The following HIBCH variants were observed in gnomAD, a reference collection of about 807,000 sequenced individuals.
HIBCH encodes 3-hydroxyisobutyryl-CoA hydrolase.
Under a neutral mutation model 58.2 loss-of-function variants are expected in HIBCH, and 50 were observed. That is an observed-to-expected ratio of 0.86 (90% CI 0.68 to 1.09). HIBCH has a LOEUF of 1.09. Ranked by LOEUF, HIBCH falls within the 50% of genes least tolerant of loss-of-function variation. The pLI is 0.00. For synonymous variants in HIBCH, 151 were observed against 146.9 expected, an observed-to-expected ratio of 1.03 and a Z score of -0.20; for missense variants, 450 against 449.7, an observed-to-expected ratio of 1.00 and a Z score of -0.01.
At chr2:190,239,076 T>C (rs1686372326) in intron 11 of HIBCH, among the ~76,000 whole-genome samples, 2 of 152,216 alleles carry the variant, frequency 1.3e-5, no homozygotes, top group East Asian at 1.9e-4. Flanking sequence ...CTAGGTTCTC[T>C]TCTAGGGTTT....
intron 7 of HIBCH, among the ~76,000 whole-genome samples, chr2:190,255,169 C>T (rs1344429485): frequency 6.6e-6 from 1 of 152,086 alleles, no homozygotes; most frequent in African/African-American, 2.4e-5. Context: ...TATACTCTTC[C>T]ACAACTTCCC....
Position 190,275,168 on chromosome 2 carries a change from C to T in HIBCH, c.438+12418G>A, listed in dbSNP as rs147485046. 3.5e-4 allele frequency among the ~76,000 whole-genome samples: 53 copies of T among 151,946 alleles called. No homozygotes were observed. The East Asian group carries it at 7.6e-3, about 22-fold the overall frequency. On this transcript the variant is annotated intron_variant, in intron 6 of 13. Transcript: ENST00000359678. The stretch of plus-strand genomic sequence containing the variant: ...TTGGGGAACCAACTTCATTTCTATT[C>T]GAAAATGCAAGAGGTGGTGGAAAAA...
chr2:190,270,987 T>C (rs914050243), intron 6 of HIBCH, among the ~76,000 whole-genome samples: 2 of 152,118 alleles, frequency 1.3e-5, no homozygotes, highest in Admixed American at 6.6e-5. Context: ...CAACAAATAA[T>C]TGAGAGAAAA....
At chr2:190,265,455 CT>C (rs78459121) in intron 6 of HIBCH, among the ~76,000 whole-genome samples, 3,550 of 141,860 alleles carry the variant, frequency 0.025, 121 homozygotes, top group African/African-American at 0.079. Context: ...ATCTTTTGCT[CT>C]TTTTTTTTTT....
chr2:190,244,777 A>C, intron 11 of HIBCH, 110 bp downstream of exon 11: 1 of 799,184 alleles, frequency 1.3e-6, no homozygotes, highest in Admixed American at 1.7e-5. Context: ...AAGAAAACAC[A>C]ATGCATGGGC....
At chr2:190,264,863 C>T (rs1002965648) in intron 6 of HIBCH, among the ~76,000 whole-genome samples, 7 of 151,998 alleles carry the variant, frequency 4.6e-5, no homozygotes, top group Non-Finnish European at 1.0e-4. Flanking sequence ...CACGTAATGC[C>T]TATAATCCCA....
At chr2:190,270,665 A>AGTAGATT (rs1442850476) in intron 6 of HIBCH, among the ~76,000 whole-genome samples, 1 of 152,240 alleles carries the variant, frequency 6.6e-6, no homozygotes, top group African/African-American at 2.4e-5. Context: ...TAGAAATTCA[A>AGTAGATT]GTAGATTTGT....
chr2:190,271,825 T>C (rs78172909), intron 6 of HIBCH, among the ~76,000 whole-genome samples: 2,864 of 152,280 alleles, frequency 0.019, 94 homozygotes, highest in African/African-American at 0.065. Flanking sequence ...TCTGGCTTCT[T>C]GCTTACCTCT....
intron 11 of HIBCH, among the ~76,000 whole-genome samples, chr2:190,224,441 T>C (rs1006919171): frequency 3.3e-5 from 5 of 151,984 alleles, no homozygotes; most frequent in African/African-American, 1.2e-4. Flanking sequence ...TGGAGGAAGA[T>C]CTACCAAGCA....
intron 11 of HIBCH, among the ~76,000 whole-genome samples, chr2:190,230,197 C>T (rs538904414): frequency 3.9e-5 from 6 of 152,164 alleles, no homozygotes; most frequent in South Asian, 4.2e-4. Context: ...GGTGTGAACT[C>T]TCTTTTCTAC....
chr2:190,311,173 A>C (rs1234720693), intron 1 of HIBCH, among the ~76,000 whole-genome samples: 1 of 152,234 alleles, frequency 6.6e-6, no homozygotes, highest in Non-Finnish European at 1.5e-5. Flanking sequence ...AAGCAAAAGA[A>C]GCCAGTCTGA....
intron 6 of HIBCH, among the ~76,000 whole-genome samples, chr2:190,271,350 G>A (rs1473244542): frequency 1.4e-5 from 2 of 142,278 alleles, no homozygotes; most frequent in South Asian, 2.2e-4. Flanking sequence ...GTGCAGTGGC[G>A]TGATCTCAGC....
At chr2:190,245,764 T>A (rs192024286) in intron 10 of HIBCH, among the ~76,000 whole-genome samples, 19 of 151,432 alleles carry the variant, frequency 1.3e-4, no homozygotes, top group African/African-American at 4.4e-4. Context: ...GCGAGGAGGG[T>A]GAATCACCTT....
downstream of HIBCH, chr2:190,202,565 A>AT (rs928292845): frequency 6.0e-6 from 1 of 167,082 alleles, no homozygotes; most frequent in African/African-American, 2.4e-5. Context: ...GCCTTCTTTC[A>AT]TATCTTTATA....
chr2:190,287,565 C>A, intron 6 of HIBCH, 21 bp downstream of exon 6: 1 of 1,500,942 alleles, frequency 6.7e-7, no homozygotes, highest in South Asian at 1.1e-5. Flanking sequence ...ATACAATGAT[C>A]AGAGTAAAAA....
intron 11 of HIBCH, among the ~76,000 whole-genome samples, chr2:190,229,038 A>G (rs1055649628): frequency 2.6e-5 from 4 of 151,970 alleles, no homozygotes; most frequent in African/African-American, 9.7e-5. Flanking sequence ...TGCCTTTGCC[A>G]CTCCCTTCAA....
At chr2:190,309,810 C>T (rs916164293) in intron 2 of HIBCH, among the ~76,000 whole-genome samples, 3 of 152,054 alleles carry the variant, frequency 2.0e-5, no homozygotes, top group Non-Finnish European at 2.9e-5. Flanking sequence ...CCACCCACCT[C>T]GGCCTCCCAA....
At chr2:190,316,928 A>G (rs754785106) in intron 1 of HIBCH, among the ~76,000 whole-genome samples, 3 of 152,252 alleles carry the variant, frequency 2.0e-5, no homozygotes, top group East Asian at 1.9e-4. Context: ...TGTTATTTCT[A>G]TTTTTAGAGA....
chr2:190,314,567 C>A (rs1367928674), intron 1 of HIBCH, among the ~76,000 whole-genome samples: 2 of 151,992 alleles, frequency 1.3e-5, no homozygotes. Flanking sequence ...CAACCTCTGC[C>A]TCCCAGGTTC....
Sources: gnomAD v4.1 joint callset for allele counts (sites outside exome capture counted in the v4.1 genomes callset) on GRCh38, gnomAD v4.1.1 for gene constraint, MANE v1.5 for transcripts, NCBI Gene and HGNC (gene_info 2026-07-23, HGNC 2026-07-21) for gene names.